The following EPHB1 variants were observed in gnomAD, a reference collection of about 807,000 sequenced individuals.
The protein encoded by EPHB1 is ephrin type-B receptor 1.
EPHB1 carries 30 observed loss-of-function variants against 94.4 expected under a neutral mutation model. That is an observed-to-expected ratio of 0.32 (90% CI 0.24 to 0.43). EPHB1 has a LOEUF of 0.43. EPHB1 is among the 20% of genes least tolerant of loss of function. The probability of loss-of-function intolerance (pLI) is 1.00; values close to 1 mark genes in which losing one functional copy is unlikely to be tolerated. For synonymous variants in EPHB1, 522 were observed against 489.1 expected (o/e 1.07, Z -0.89); for missense variants, 1,055 against 1,308.3 (o/e 0.81, Z 2.99).
At chr3:135,125,854 A>G (rs1223409878) in intron 4 of EPHB1, among the ~76,000 whole-genome samples, 1 of 152,168 alleles carries the variant, frequency 6.6e-6, no homozygotes, top group Non-Finnish European at 1.5e-5. Context: ...AGACCTCTTC[A>G]AACTTCTACA....
chr3:134,833,715 G>A (rs2895697), intron 1 of EPHB1, among the ~76,000 whole-genome samples: 6 of 151,996 alleles, frequency 3.9e-5, no homozygotes, highest in Non-Finnish European at 8.8e-5. Flanking sequence ...AGCTGCCTGT[G>A]AGGCTGAGTC....
chr3:135,245,088 C>T (rs923885069), intron 13 of EPHB1, among the ~76,000 whole-genome samples: 4 of 152,184 alleles, frequency 2.6e-5, no homozygotes, highest in Non-Finnish European at 5.9e-5. Context: ...ATACTATCTT[C>T]CTGGACCTCC....
chr3:135,123,830 T>C (rs952224993), intron 4 of EPHB1, among the ~76,000 whole-genome samples: 2 of 151,764 alleles, frequency 1.3e-5, no homozygotes, highest in Non-Finnish European at 2.9e-5. Context: ...TCTCCTCTGC[T>C]GATGTCATTC....
chr3:135,217,241 G>A (rs1480370007), intron 12 of EPHB1, among the ~76,000 whole-genome samples: 1 of 152,014 alleles, frequency 6.6e-6, no homozygotes, highest in Non-Finnish European at 1.5e-5. Flanking sequence ...GGCACTGAGG[G>A]CAGTGCTGAG....
chr3:134,907,665 C>A (rs1412816252), intron 1 of EPHB1, among the ~76,000 whole-genome samples: 1 of 151,880 alleles, frequency 6.6e-6, no homozygotes, highest in Admixed American at 6.6e-5. Context: ...CCGCCCCCTC[C>A]CCACCAAGAA....
At chr3:134,911,562 G>C (rs1388278786) in intron 1 of EPHB1, among the ~76,000 whole-genome samples, 1 of 152,168 alleles carries the variant, frequency 6.6e-6, no homozygotes, top group Non-Finnish European at 1.5e-5. Flanking sequence ...TCTCTGAAGA[G>C]GGGTGGCTGA....
chr3:134,827,085 C>T (rs1253158751), intron 1 of EPHB1, among the ~76,000 whole-genome samples: 2 of 152,236 alleles, frequency 1.3e-5, no homozygotes, highest in Non-Finnish European at 2.9e-5. Context: ...CAAGTACAAA[C>T]ACCACAGATT....
chr3:134,796,034 C>G (rs2035819371), intron 1 of EPHB1: 1 of 370,380 alleles, frequency 2.7e-6, no homozygotes, highest in Non-Finnish European at 4.9e-6. Flanking sequence ...AGAGCCAGAG[C>G]TGGGCGTTGG....
rs577829729 is a variant in EPHB1, at chr3:134,982,282, G to C, written c.805+30230G>C. Among the ~76,000 whole-genome samples the C allele has an allele frequency of 2.6e-5, 4 of 152,278 alleles. No homozygotes were observed. In the East Asian group the frequency reaches 7.7e-4, roughly 29 times the overall value. On this transcript the variant is annotated intron_variant, in intron 3 of 15. Transcript: ENST00000398015. The stretch of plus-strand genomic sequence containing the variant: ...ATCATCCAGTGATTTCTGATCATTG[G>C]ATTCCTTTTTGATGAATGAATAAAG...
chr3:134,839,178 G>A (rs779818680), intron 1 of EPHB1, among the ~76,000 whole-genome samples: 1 of 152,170 alleles, frequency 6.6e-6, no homozygotes, highest in Non-Finnish European at 1.5e-5. Flanking sequence ...GGATGTGAAA[G>A]CAACTGTTCA....
intron 3 of EPHB1, among the ~76,000 whole-genome samples, chr3:135,005,009 C>T (rs919756883): frequency 9.8e-5 from 15 of 152,368 alleles, no homozygotes; most frequent in Middle Eastern, 3.4e-3. Flanking sequence ...TGAGGAGCTG[C>T]GTTCCTTTGC....
chr3:134,991,491 G>C (rs577214253), intron 3 of EPHB1, among the ~76,000 whole-genome samples: 1 of 151,886 alleles, frequency 6.6e-6, no homozygotes, highest in South Asian at 2.1e-4. Flanking sequence ...TTCCATACGG[G>C]CATCAGCCCT....
At chr3:135,047,935 A>G (rs1166596995) in intron 3 of EPHB1, among the ~76,000 whole-genome samples, 1 of 152,224 alleles carries the variant, frequency 6.6e-6, no homozygotes, top group East Asian at 1.9e-4. Flanking sequence ...CCAAATGTCA[A>G]TAGTGTCAAG....
intron 12 of EPHB1, among the ~76,000 whole-genome samples, chr3:135,218,933 C>T (rs9864126): frequency 0.049 from 7,430 of 152,254 alleles, 303 homozygotes; most frequent in East Asian, 0.21. Flanking sequence ...AGAGCATGGC[C>T]AGTGCCTCCC....
At chr3:135,048,224 CT>C (rs71157318) in intron 3 of EPHB1, among the ~76,000 whole-genome samples, 3,007 of 109,034 alleles carry the variant, frequency 0.028, 84 homozygotes, top group African/African-American at 0.076. Flanking sequence ...AAAAAATACT[CT>C]TTTTTTTTTT....
chr3:135,216,338 T>C (rs1943147190), intron 12 of EPHB1, among the ~76,000 whole-genome samples: 2 of 152,034 alleles, frequency 1.3e-5, no homozygotes, highest in African/African-American at 4.8e-5. Context: ...TCAACTCTTT[T>C]GTGGAAAAGA....
intron 13 of EPHB1, among the ~76,000 whole-genome samples, 194 bp from the exon 14 acceptor site, chr3:135,248,122 C>T (rs11716850): frequency 0.16 from 25,087 of 152,162 alleles, 2,300 homozygotes; most frequent in South Asian, 0.3. Context: ...GTGGCCCCTG[C>T]TTTCTAGGAG....
At chr3:135,234,102 G>A (rs1018387608) in intron 12 of EPHB1, among the ~76,000 whole-genome samples, 4 of 152,200 alleles carry the variant, frequency 2.6e-5, no homozygotes, top group African/African-American at 7.2e-5. Flanking sequence ...CTCCCCAGAA[G>A]ATGGGTTTTT....
intron 3 of EPHB1, among the ~76,000 whole-genome samples, chr3:135,060,291 G>C (rs72975558): frequency 0.018 from 2,786 of 152,258 alleles, 88 homozygotes; most frequent in African/African-American, 0.063. Flanking sequence ...GTAATCTTTT[G>C]TGACTGGCCT....
Sources: allele counts gnomAD v4.1 joint callset (sites outside exome capture counted in the v4.1 genomes callset), GRCh38; gene constraint gnomAD v4.1.1; transcripts MANE v1.5; gene names NCBI Gene and HGNC (gene_info 2026-07-23, HGNC 2026-07-21).